The following FOXJ3 variants were observed in gnomAD, a reference collection of about 807,000 sequenced individuals.
FOXJ3 encodes forkhead box protein J3.
Under a neutral mutation model 76.1 loss-of-function variants are expected in FOXJ3, and 22 were observed. The ratio of observed to expected loss-of-function variants is 0.29; its 90% CI spans 0.21 to 0.41. The LOEUF (loss-of-function observed/expected upper bound fraction) is 0.41, where lower values mean the gene tolerates loss of function less well. Among genes scored for constraint, FOXJ3 ranks in the 10% least tolerant of loss-of-function variants. The pLI is 1.00. For synonymous variants in FOXJ3, 269 were observed against 261.2 expected, an observed-to-expected ratio of 1.03 and a Z score of -0.29; for missense variants, 613 against 762.1, an observed-to-expected ratio of 0.80 and a Z score of 2.30.
chr1:42,251,858 A>G (rs1650104351), intron 4 of FOXJ3, among the ~76,000 whole-genome samples: 1 of 151,516 alleles, frequency 6.6e-6, no homozygotes, highest in Non-Finnish European at 1.5e-5. Context: ...AGCTGGGACT[A>G]CAGGCGCGCG....
In FOXJ3 at chr1:42,291,083, T is replaced by TAGATAGACAGAC. The variant is rs1553167260; in HGVS notation, c.45-12412_45-12411insGTCTGTCTATCT. 4.4e-3 allele frequency among the ~76,000 whole-genome samples: 550 copies of TAGATAGACAGAC among 126,432 alleles called. 5 individuals are homozygous for TAGATAGACAGAC. Among genetic ancestry groups the TAGATAGACAGAC allele is most frequent in the Non-Finnish European group, 5.7e-3 (340 of 59,198 alleles). The allele number at this position is 126,432 out of a possible 152,430, so 82.9% of individuals were successfully genotyped here. A position where few individuals can be genotyped will look rare whatever the true frequency, so the allele number is the denominator to read the frequency against. ...ATAGATAGATAGATAGATAGATAGA[T>TAGATAGACAGAC]AGACAGACAGACAGACAGATAGATC... On this transcript the variant is annotated intron_variant, in intron 2 of 12. Coordinates refer to ENST00000361346, the MANE Select transcript of FOXJ3 (RefSeq NM_014947.5).
chr1:42,322,106 G>A lies in FOXJ3; in HGVS notation c.-17-10996C>T, dbSNP rs186002689. 3.4e-4 allele frequency among the ~76,000 whole-genome samples: 52 copies of A among 152,168 alleles called. 1 individual carries two copies. Among genetic ancestry groups the A allele is most frequent in the Admixed American group, 1.0e-3 (16 of 15,262 alleles). ...GATATTTCAAAAGGAACAGAATTTG[G>A]TACAGATAGAGACGTGAAGGGCCAA... On this transcript the variant is annotated intron_variant, in intron 1 of 12. Coordinates refer to ENST00000361346, the MANE Select transcript of FOXJ3 (RefSeq NM_014947.5).
At chr1:42,295,679 C>T (rs1653742207) in intron 2 of FOXJ3, among the ~76,000 whole-genome samples, 1 of 152,032 alleles carries the variant, frequency 6.6e-6, no homozygotes, top group Non-Finnish European at 1.5e-5. Flanking sequence ...CAGGTGTGCA[C>T]CACCTTGTCT....
At chr1:42,232,643 C>T (rs343382) in intron 4 of FOXJ3, among the ~76,000 whole-genome samples, 120,810 of 151,194 alleles carry the variant, frequency 0.8, 48,362 homozygotes, top group Admixed American at 0.86. Context: ...TTTGATGGGG[C>T]TGTTTTTTTC....
intron 2 of FOXJ3, among the ~76,000 whole-genome samples, chr1:42,286,040 G>A (rs1327900081): frequency 6.6e-6 from 1 of 152,170 alleles, no homozygotes; most frequent in Non-Finnish European, 1.5e-5. Context: ...TGAGGAATGG[G>A]CAAATGAGTA....
chr1:42,258,730 A>G (rs1325338772), intron 4 of FOXJ3, among the ~76,000 whole-genome samples: 1 of 152,238 alleles, frequency 6.6e-6, no homozygotes, highest in Non-Finnish European at 1.5e-5. Flanking sequence ...AATGTTAAAG[A>G]TACTTAAAAA....
At chr1:42,217,173 A>C (rs1253693953) in intron 5 of FOXJ3, among the ~76,000 whole-genome samples, 2 of 152,222 alleles carry the variant, frequency 1.3e-5, no homozygotes, top group Non-Finnish European at 2.9e-5. Flanking sequence ...TACAAAGTTA[A>C]TATACAAAAA....
Position 42,177,839 on chromosome 1 carries a change from G to A in FOXJ3, c.*1871C>T, listed in dbSNP as rs573164137. 1.3e-5 allele frequency: 2 copies of A among 152,524 alleles called. No homozygotes were observed. Among genetic ancestry groups the A allele is most frequent in the East Asian group, 1.9e-4 (1 of 5,168 alleles). 9.4% of individuals were successfully genotyped at this position (152,524 alleles called of 1,614,324 possible). On this transcript the variant is annotated 3_prime_UTR_variant, in exon 13 of 13. Coordinates refer to ENST00000361346, the MANE Select transcript of FOXJ3 (RefSeq NM_014947.5). ...AAAAGATGTTTGTTTAGTTCAAGTA[G>A]AGATTACTCAACCATAGAATCACTA...
intron 5 of FOXJ3, among the ~76,000 whole-genome samples, chr1:42,210,896 T>C (rs1353262343): frequency 2.0e-5 from 3 of 151,798 alleles, no homozygotes; most frequent in East Asian, 1.9e-4. Context: ...AGCTCCACAA[T>C]AGTCTGGCCC....
intron 4 of FOXJ3, among the ~76,000 whole-genome samples, chr1:42,255,165 C>G (rs995346103): frequency 6.6e-6 from 1 of 152,052 alleles, no homozygotes; most frequent in African/African-American, 2.4e-5. Context: ...CAAGATATGA[C>G]AATAGCACAA....
chr1:42,224,685 GA>G (rs1277876751), intron 5 of FOXJ3, among the ~76,000 whole-genome samples: 3 of 151,914 alleles, frequency 2.0e-5, no homozygotes, highest in East Asian at 3.9e-4. Context: ...AAATAAGAAA[GA>G]AAAAATAATA....
At chr1:42,194,245 C>A (rs1166395251) in intron 8 of FOXJ3, among the ~76,000 whole-genome samples, 1 of 152,198 alleles carries the variant, frequency 6.6e-6, no homozygotes, top group Non-Finnish European at 1.5e-5. Context: ...GGAAAAGATA[C>A]TGTGACATTT....
intron 6 of FOXJ3, 81 bp downstream of exon 6, chr1:42,205,681 T>C (rs1646847101): frequency 4.9e-6 from 4 of 813,040 alleles, no homozygotes; most frequent in Non-Finnish European, 8.4e-6. Flanking sequence ...CTGAACCATA[T>C]AGGATTCTAT....
intron 2 of FOXJ3, among the ~76,000 whole-genome samples, chr1:42,283,197 G>C: frequency 6.6e-6 from 1 of 152,202 alleles, no homozygotes; most frequent in East Asian, 1.9e-4. Flanking sequence ...TTACCTGTGG[G>C]AGAAAGCAAA....
intron 4 of FOXJ3, among the ~76,000 whole-genome samples, chr1:42,258,888 C>CA (rs1650814814): frequency 1.3e-5 from 2 of 152,160 alleles, no homozygotes. Flanking sequence ...ATAATCCACT[C>CA]ACAAGGCAGC....
At chr1:42,226,620 A>T (rs1054850868) in intron 5 of FOXJ3, among the ~76,000 whole-genome samples, 6 of 152,094 alleles carry the variant, frequency 3.9e-5, no homozygotes, top group African/African-American at 4.8e-5. Flanking sequence ...AAAAAAAAAA[A>T]TTTTGTCTAG....
intron 1 of FOXJ3, among the ~76,000 whole-genome samples, chr1:42,334,767 T>A (rs1474014685): frequency 1.3e-5 from 2 of 149,850 alleles, no homozygotes; most frequent in Non-Finnish European, 3.0e-5. Flanking sequence ...GGTTCCCCGG[T>A]GCCCCGCCTG....
At chr1:42,330,644 A>G (rs1423281636) in intron 1 of FOXJ3, among the ~76,000 whole-genome samples, 1 of 152,120 alleles carries the variant, frequency 6.6e-6, no homozygotes, top group Admixed American at 6.5e-5. Context: ...TCAAAAACAA[A>G]ACAAACAAAC....
At chr1:42,291,760 A>C (rs964260851) in intron 2 of FOXJ3, among the ~76,000 whole-genome samples, 1 of 152,234 alleles carries the variant, frequency 6.6e-6, no homozygotes, top group African/African-American at 2.4e-5. Context: ...AGCCTGGGCA[A>C]CAAAGCAAGA....
Sources: gnomAD v4.1 joint callset for allele counts (sites outside exome capture counted in the v4.1 genomes callset) on GRCh38, gnomAD v4.1.1 for gene constraint, MANE v1.5 for transcripts, NCBI Gene and HGNC (gene_info 2026-07-23, HGNC 2026-07-21) for gene names.